Variants in PPP1R12A observed in about 807,000 individuals in gnomAD.
PPP1R12A encodes the protein myosin binding subunit.
In PPP1R12A, 19 loss-of-function variants were observed where a neutral mutation model predicts 139.6. The observed-to-expected ratio is 0.14, with a 90% CI of 0.09 to 0.20. The LOEUF (loss-of-function observed/expected upper bound fraction) is 0.20, where lower values mean the gene tolerates loss of function less well. Among genes scored for constraint, PPP1R12A ranks in the 10% least tolerant of loss-of-function variants. The probability of loss-of-function intolerance (pLI) is 1.00; values close to 1 mark genes in which losing one functional copy is unlikely to be tolerated. For synonymous variants in PPP1R12A, 427 were observed against 420.6 expected (o/e 1.02, Z -0.19); for missense variants, 925 against 1,211.5 (o/e 0.76, Z 3.51).
upstream of PPP1R12A, chr12:79,935,260 C>T (rs1888581669): frequency 1.8e-6 from 2 of 1,118,170 alleles, no homozygotes; most frequent in South Asian, 7.0e-5. Context: ...CCTGTGCCCG[C>T]CCCAGGAAGA....
chr12:79,807,333 G>A lies in PPP1R12A; in HGVS notation c.1551-3C>T. 5 of 1,513,712 alleles carry A rather than the reference G, an allele frequency of 3.3e-6. 1 individual carries two copies. The highest frequency in any genetic ancestry group is 2.4e-5 in the South Asian group (2 of 82,670). The allele number at this position is 1,513,712 out of a possible 1,614,324, so 93.8% of individuals were successfully genotyped here. On this transcript the variant is annotated splice_polypyrimidine_tract_variant and splice_region_variant and intron_variant, in intron 11 of 24. Coordinates refer to ENST00000450142, the MANE Select transcript of PPP1R12A (RefSeq NM_002480.3). Reference sequence around the variant, plus strand: ...TTGTTCGCAAACTTGAAGAATCTCTGTTAAAAGAACACCCTTCAGATTCTG... The same window carrying A: ...TTGTTCGCAAACTTGAAGAATCTCTATTAAAAGAACACCCTTCAGATTCTG...
intron 2 of PPP1R12A, among the ~76,000 whole-genome samples, chr12:79,865,239 G>A (rs1339631201): frequency 2.6e-5 from 4 of 152,192 alleles, no homozygotes; most frequent in African/African-American, 9.7e-5. Flanking sequence ...CTCAACAGAT[G>A]CAGAAAAGGC....
chr12:79,843,613 T>TATAGAC (rs1879021874), intron 3 of PPP1R12A, among the ~76,000 whole-genome samples: 2 of 33,574 alleles, frequency 6.0e-5, no homozygotes, highest in South Asian at 3.4e-3. Flanking sequence ...CAAAAAAAAA[T>TATAGAC]ATAGATATAG....
intron 1 of PPP1R12A, among the ~76,000 whole-genome samples, chr12:79,918,824 T>A (rs376976224): frequency 6.6e-6 from 1 of 152,182 alleles, no homozygotes; most frequent in East Asian, 1.9e-4. Flanking sequence ...CTGATTAAAA[T>A]CCTTCAACTG....
At chr12:79,838,282 A>T (rs1439380531) in intron 3 of PPP1R12A, among the ~76,000 whole-genome samples, 1 of 152,194 alleles carries the variant, frequency 6.6e-6, no homozygotes, top group East Asian at 1.9e-4. Flanking sequence ...GAGGTAATTT[A>T]GGGTATCTGA....
chr12:79,929,885 G>A (rs530033003), intron 1 of PPP1R12A, among the ~76,000 whole-genome samples: 9 of 152,002 alleles, frequency 5.9e-5, no homozygotes, highest in South Asian at 2.1e-4. Context: ...AGAACAATAC[G>A]CTAAGTATCT....
chr12:79,904,104 A>G (rs1885883980), intron 1 of PPP1R12A, among the ~76,000 whole-genome samples: 3 of 151,978 alleles, frequency 2.0e-5, no homozygotes, highest in Admixed American at 2.0e-4. Flanking sequence ...AATCCCAGCT[A>G]CTCGGGAGGC....
chr12:79,863,117 T>C (rs1042437553), intron 2 of PPP1R12A, among the ~76,000 whole-genome samples: 13 of 152,280 alleles, frequency 8.5e-5, no homozygotes, highest in African/African-American at 2.9e-4. Context: ...ACAGCAGATC[T>C]CTTGGCAGAA....
intron 4 of PPP1R12A, 26 bp downstream of exon 4, chr12:79,832,306 A>G: frequency 6.4e-7 from 1 of 1,570,118 alleles, no homozygotes; most frequent in Non-Finnish European, 8.6e-7. Flanking sequence ...CTAAAATAGA[A>G]AAACTCTGTA....
chr12:79,923,040 C>T (rs947891429), intron 1 of PPP1R12A, among the ~76,000 whole-genome samples: 1 of 151,964 alleles, frequency 6.6e-6, no homozygotes. Context: ...TTTGGGAGCC[C>T]GAGGTGGGTA....
At chr12:79,920,154 T>C (rs903752030) in intron 1 of PPP1R12A, among the ~76,000 whole-genome samples, 2 of 152,256 alleles carry the variant, frequency 1.3e-5, no homozygotes, top group African/African-American at 4.8e-5. Flanking sequence ...CTGGCTTCTT[T>C]CACTTAGCAT....
At chr12:79,853,216 G>C (rs1466323165) in intron 2 of PPP1R12A, among the ~76,000 whole-genome samples, 1 of 152,192 alleles carries the variant, frequency 6.6e-6, no homozygotes, top group South Asian at 2.1e-4. Context: ...TTTCTGTCTT[G>C]CTATGGTGTC....
chr12:79,852,774 C>T (rs993552753), intron 2 of PPP1R12A, among the ~76,000 whole-genome samples: 3 of 152,118 alleles, frequency 2.0e-5, no homozygotes, highest in Non-Finnish European at 4.4e-5. Context: ...GAAGCTACTG[C>T]TCCCATGTAG....
chr12:79,776,699 C>G (rs1457988887), intron 24 of PPP1R12A, among the ~76,000 whole-genome samples: 1 of 152,076 alleles, frequency 6.6e-6, no homozygotes, highest in African/African-American at 2.4e-5. Flanking sequence ...CTTCAAACAA[C>G]ACATCTCAAT....
At chr12:79,839,914 G>A (rs894355253) in intron 3 of PPP1R12A, among the ~76,000 whole-genome samples, 1 of 152,056 alleles carries the variant, frequency 6.6e-6, no homozygotes, top group African/African-American at 2.4e-5. Context: ...TATATTTAGG[G>A]TGCTTTTTTA....
chr12:79,816,456 A>AT (rs1875398595), intron 9 of PPP1R12A, among the ~76,000 whole-genome samples: 1 of 152,088 alleles, frequency 6.6e-6, no homozygotes, highest in African/African-American at 2.4e-5. Flanking sequence ...ATAAAAAAAG[A>AT]TAAAAAAAAG....
intron 22 of PPP1R12A, among the ~76,000 whole-genome samples, chr12:79,785,970 C>T (rs1871077525): frequency 6.6e-6 from 1 of 152,120 alleles, no homozygotes; most frequent in South Asian, 2.1e-4. Context: ...TTAAAATTAT[C>T]TTCTTCCAGC....
chr12:79,803,143 G>A (rs1873398326), intron 14 of PPP1R12A, among the ~76,000 whole-genome samples: 1 of 152,104 alleles, frequency 6.6e-6, no homozygotes, highest in Non-Finnish European at 1.5e-5. Context: ...TTTTCCATAT[G>A]ACATTCATCC....
chr12:79,802,656 C>T (rs1177940615), intron 14 of PPP1R12A, among the ~76,000 whole-genome samples: 1 of 152,064 alleles, frequency 6.6e-6, no homozygotes, highest in African/African-American at 2.4e-5. Flanking sequence ...GATGGCACAC[C>T]TGTAGTCCTA....
Sources: allele counts gnomAD v4.1 joint callset (sites outside exome capture counted in the v4.1 genomes callset), GRCh38; gene constraint gnomAD v4.1.1; transcripts MANE v1.5; gene names NCBI Gene and HGNC (gene_info 2026-07-23, HGNC 2026-07-21).